The following SHISA9 variants were observed in gnomAD, a reference collection of about 807,000 sequenced individuals.
SHISA9 encodes the protein protein shisa-9.
SHISA9 carries 13 observed loss-of-function variants against 38.0 expected under a neutral mutation model. The observed-to-expected ratio is 0.34, with a 90% CI of 0.22 to 0.54. The LOEUF is 0.54. Among genes scored for constraint, SHISA9 ranks in the 20% least tolerant of loss-of-function variants. The probability of loss-of-function intolerance (pLI) is 0.91; values close to 1 mark genes in which losing one functional copy is unlikely to be tolerated. For missense variants in SHISA9, 538 were observed against 575.8 expected, an observed-to-expected ratio of 0.93 and a Z score of 0.67; for synonymous variants, 275 against 242.0, an observed-to-expected ratio of 1.14 and a Z score of -1.27.
intron 2 of SHISA9, chr16:13,082,446 C>T (rs1243181348): frequency 6.6e-6 from 1 of 152,144 alleles, no homozygotes; most frequent in Non-Finnish European, 1.5e-5. Context: ...GGTCTGAAAA[C>T]AGCTGCAGCA....
chr16:13,273,413 GTGCTGTTCTCC>G, the SHISA9 span, among the ~76,000 whole-genome samples: 1 of 152,098 alleles, frequency 6.6e-6, no homozygotes, highest in African/African-American at 2.4e-5. Flanking sequence ...GGTCTTTCCT[GTGCTGTTCTCC>G]TGATAGCGAA....
intron 4 of SHISA9, 80 bp from the exon 5 acceptor site, chr16:13,234,950 G>A: frequency 7.1e-7 from 1 of 1,414,546 alleles, no homozygotes; most frequent in Non-Finnish European, 9.4e-7. Context: ...TGACATGCCA[G>A]TCTCTAACTC....
the SHISA9 span, among the ~76,000 whole-genome samples, chr16:13,416,835 G>T: frequency 7.0e-6 from 1 of 142,146 alleles, no homozygotes; most frequent in Admixed American, 7.1e-5. Flanking sequence ...GGAAGGAAGA[G>T]AAAGAAAGAA....
chr16:13,409,286 C>T, the SHISA9 span, among the ~76,000 whole-genome samples: 2 of 152,222 alleles, frequency 1.3e-5, no homozygotes, highest in Non-Finnish European at 2.9e-5. Context: ...CCCCTGCATT[C>T]ATCCTTCAAG....
At chr16:13,507,684 T>A in the SHISA9 span, among the ~76,000 whole-genome samples, 3 of 152,138 alleles carry the variant, frequency 2.0e-5, no homozygotes, top group African/African-American at 7.2e-5. Flanking sequence ...CAACAGGAAG[T>A]CAAACACAGT....
At chr16:12,928,886 T>C (rs914059533) in intron 2 of SHISA9, among the ~76,000 whole-genome samples, 1 of 152,218 alleles carries the variant, frequency 6.6e-6, no homozygotes, top group African/African-American at 2.4e-5. Flanking sequence ...TGCATAAGCA[T>C]ATTAAACAAA....
At chr16:13,483,190 G>A in the SHISA9 span, among the ~76,000 whole-genome samples, 1 of 152,136 alleles carries the variant, frequency 6.6e-6, no homozygotes, top group Non-Finnish European at 1.5e-5. Context: ...GTGAACAAGA[G>A]AGCCTCAAGT....
intron 2 of SHISA9, among the ~76,000 whole-genome samples, chr16:13,087,147 CTTTT>C (rs956913326): frequency 2.5e-5 from 2 of 81,628 alleles, no homozygotes; most frequent in African/African-American, 9.6e-5. Context: ...ATGAACTCGT[CTTTT>C]TTTTTTTTTT....
In SHISA9 at chr16:12,968,189, C is replaced by CAAAAAAAA. The variant is rs200194973; in HGVS notation, c.691+51404_691+51411dup. ...TGGGTGACAGAGGAAGGCTCCATCT[C>CAAAAAAAA]AAAAAAAAAAAAAAAAAAAAAAAAA... On this transcript the variant is annotated intron_variant, in intron 2 of 4. Coordinates refer to ENST00000558583, the MANE Select transcript of SHISA9 (RefSeq NM_001145204.3). Among the ~76,000 whole-genome samples the CAAAAAAAA allele has an allele frequency of 3.0e-4, 25 of 82,040 alleles. 2 individuals carry two copies. Among genetic ancestry groups the CAAAAAAAA allele is most frequent in the African/African-American group, 5.4e-4 (11 of 20,336 alleles). The allele number at this position is 82,040 out of a possible 152,430, so 53.8% of individuals were successfully genotyped here.
intron 2 of SHISA9, among the ~76,000 whole-genome samples, chr16:13,138,557 A>C (rs1045498959): frequency 2.6e-5 from 4 of 152,260 alleles, no homozygotes; most frequent in African/African-American, 9.6e-5. Context: ...CAGCCCCCAG[A>C]CCTTAGACTC....
At chr16:13,255,169 A>G in the SHISA9 span, among the ~76,000 whole-genome samples, 1 of 151,748 alleles carries the variant, frequency 6.6e-6, no homozygotes, top group Non-Finnish European at 1.5e-5. Flanking sequence ...CTATGGTTCT[A>G]CTTTGACTAT....
At chr16:13,253,956 G>T in the SHISA9 span, among the ~76,000 whole-genome samples, 4 of 151,850 alleles carry the variant, frequency 2.6e-5, no homozygotes, top group African/African-American at 9.7e-5. Context: ...TCTTCAGGGA[G>T]ACTGAAAAAT....
intron 2 of SHISA9, among the ~76,000 whole-genome samples, chr16:13,113,331 C>T (rs1022703208): frequency 5.9e-5 from 9 of 152,034 alleles, no homozygotes; most frequent in African/African-American, 2.2e-4. Flanking sequence ...CCTCAAGGGG[C>T]CAGTCACAGA....
intron 4 of SHISA9, among the ~76,000 whole-genome samples, chr16:13,215,548 G>A (rs769401907): frequency 5.3e-5 from 8 of 152,008 alleles, no homozygotes; most frequent in African/African-American, 7.3e-5. Context: ...AAACAAAGCC[G>A]TTATGATCTC....
chr16:13,278,405 T>G, the SHISA9 span, among the ~76,000 whole-genome samples: 1 of 152,042 alleles, frequency 6.6e-6, no homozygotes, highest in Non-Finnish European at 1.5e-5. Flanking sequence ...TTCCTGGTTT[T>G]GGTATTAGGG....
chr16:13,222,442 G>A (rs2051236443), intron 4 of SHISA9, among the ~76,000 whole-genome samples: 1 of 152,192 alleles, frequency 6.6e-6, no homozygotes. Context: ...GGGGAAGAGG[G>A]AAGAGAGGAG....
chr16:12,921,951 A>G (rs1364654541), intron 2 of SHISA9, among the ~76,000 whole-genome samples: 1 of 152,180 alleles, frequency 6.6e-6, no homozygotes, highest in African/African-American at 2.4e-5. Context: ...GGCTGATACT[A>G]TTGTTTTTGC....
At chr16:13,313,608 G>T in the SHISA9 span, among the ~76,000 whole-genome samples, 2 of 152,274 alleles carry the variant, frequency 1.3e-5, no homozygotes, top group Non-Finnish European at 2.9e-5. Flanking sequence ...GGGAACTATT[G>T]CATTTCACTA....
chr16:13,487,369 C>T, the SHISA9 span, among the ~76,000 whole-genome samples: 1 of 152,210 alleles, frequency 6.6e-6, no homozygotes, highest in Admixed American at 6.5e-5. Context: ...ATCACATAAG[C>T]ATCTGCTTCT....
Sources: allele counts gnomAD v4.1 joint callset (sites outside exome capture counted in the v4.1 genomes callset), GRCh38; gene constraint gnomAD v4.1.1; transcripts MANE v1.5; gene names NCBI Gene and HGNC (gene_info 2026-07-23, HGNC 2026-07-21).